RPF2: variants seen among roughly 807,000 people sequenced by gnomAD.
RPF2 encodes brix domain containing 1.
Under a neutral mutation model 38.9 loss-of-function variants are expected in RPF2, and 21 were observed. The observed-to-expected ratio is 0.54, with a 90% confidence interval of 0.38 to 0.78. The LOEUF is 0.78. Ranked by LOEUF, RPF2 falls within the 30% of genes least tolerant of loss-of-function variation. RPF2 has a pLI of 0.00. For missense variants in RPF2, 314 were observed against 358.1 expected, an observed-to-expected ratio of 0.88 and a Z score of 0.99; for synonymous variants, 121 against 126.2, an observed-to-expected ratio of 0.96 and a Z score of 0.28.
In RPF2 at chr6:111,015,919, G is replaced by GT. The variant is rs1772100960; in HGVS notation, c.596+69dup. 20 of 1,225,066 alleles carry GT rather than the reference G, an allele frequency of 1.6e-5. No homozygotes were observed. The South Asian group carries it at 2.5e-4, about 15-fold the overall frequency. 75.9% of individuals were successfully genotyped at this position (1,225,066 alleles called of 1,614,324 possible). On this transcript the variant is annotated intron_variant, in intron 8 of 9. Coordinates refer to ENST00000441448, the MANE Select transcript of RPF2 (RefSeq NM_032194.3). ...GGTTAGTGTTTAAAACTGTGTGACT[G>GT]TTTTTTAGAGCCCAAACTTAGAATT...
chr6:111,023,926 T>C (rs1461974015), intron 8 of RPF2, among the ~76,000 whole-genome samples: 2 of 151,562 alleles, frequency 1.3e-5, no homozygotes, highest in Admixed American at 6.6e-5. Context: ...AGGTGGAGCT[T>C]ACAGTGAGCC....
intron 1 of RPF2, among the ~76,000 whole-genome samples, chr6:110,983,551 C>T (rs1243079967): frequency 6.6e-6 from 1 of 151,968 alleles, no homozygotes; most frequent in Non-Finnish European, 1.5e-5. Flanking sequence ...GCATTGTTGC[C>T]CAGGCTGGTC....
Position 111,027,373 on chromosome 6 carries a change from GAGA to G in RPF2, c.*1797_*1799del, listed in dbSNP as rs1462606316. 5 of 152,208 alleles carry G rather than the reference GAGA, an allele frequency of 3.3e-5. No individual in the cohort carries two copies. Among genetic ancestry groups the G allele is most frequent in the Admixed American group, 6.5e-5 (1 of 15,274 alleles). The allele number at this position is 152,208 out of a possible 1,614,324, so 9.4% of individuals were successfully genotyped here. The stretch of plus-strand genomic sequence containing the variant: ...AGACATTTGCACTTTATATCTAAAT[GAGA>G]AGAAGGGGCTCAGATAAGTCGTTTG... On this transcript the variant is annotated 3_prime_UTR_variant, in exon 10 of 10. Coordinates refer to ENST00000441448, the MANE Select transcript of RPF2 (RefSeq NM_032194.3).
chr6:111,015,802 A>C lies in RPF2; in HGVS notation c.542A>C (p.Glu181Ala). 4 of 1,613,496 alleles carry C rather than the reference A, an allele frequency of 2.5e-6. No homozygotes were observed. The highest frequency in any genetic ancestry group is 3.4e-6 in the Non-Finnish European group (4 of 1,179,478). ...TVSNIRLAGLEYVLHFTALNG... is the reference protein window; with the variant it reads ...TVSNIRLAGLAYVLHFTALNG... ...TCAAATATCCGCCTGGCTGGATTAG[A>C]GTATGTTCTGCACTTCACTGCACTG... is the stretch of plus-strand genomic sequence containing the variant. The change falls in exon 8 of 10, where the codon GAG (glutamate) becomes GCG (alanine). Residue 181 changes from glutamate to alanine, a missense_variant. Coordinates refer to ENST00000441448, the MANE Select transcript of RPF2 (RefSeq NM_032194.3).
At chr6:110,999,353 TC>T (rs2114313333) in intron 5 of RPF2, among the ~76,000 whole-genome samples, 1 of 152,266 alleles carries the variant, frequency 6.6e-6, no homozygotes, top group South Asian at 2.1e-4. Flanking sequence ...CATAAATTAA[TC>T]CTTCTCTAAT....
At chr6:110,988,094 T>C (rs1771554694) in intron 2 of RPF2, among the ~76,000 whole-genome samples, 1 of 152,106 alleles carries the variant, frequency 6.6e-6, no homozygotes, top group South Asian at 2.1e-4. Flanking sequence ...GTGTCTGTAC[T>C]TGGGAGGCTG....
rs1411456438 is a variant in RPF2 at position 111,017,898 on chromosome 6, G to A, written c.596+2042G>A. ...GGAGGTTGTAGCTAGCCGAGATCACGCCACTGCACTCCAGCCTGGGCAACA... is the reference window on the plus strand; with the variant it reads ...GGAGGTTGTAGCTAGCCGAGATCACACCACTGCACTCCAGCCTGGGCAACA... On this transcript the variant is annotated intron_variant, in intron 8 of 9. Transcript: ENST00000441448. Among the ~76,000 whole-genome samples the A allele has an allele frequency of 5.5e-5, 8 of 145,690 alleles. No individual in the cohort carries two copies. The East Asian group carries it at 8.6e-4, about 16-fold the overall frequency.
chr6:110,997,299 T>C (rs1187023979), intron 5 of RPF2, 35 bp downstream of exon 5: 3 of 1,268,850 alleles, frequency 2.4e-6, no homozygotes, highest in Admixed American at 1.8e-5. Context: ...TTTTCACTGA[T>C]AGAGTCAATT....
At chr6:111,002,639 T>G (rs1771829489) in intron 6 of RPF2, among the ~76,000 whole-genome samples, 1 of 152,220 alleles carries the variant, frequency 6.6e-6, no homozygotes, top group Non-Finnish European at 1.5e-5. Flanking sequence ...AGCCCAGGTC[T>G]CATTCTTAAC....
intron 9 of RPF2, 47 bp downstream of exon 9, chr6:111,024,374 T>G (rs758461977): frequency 6.5e-7 from 1 of 1,527,884 alleles, no homozygotes; most frequent in South Asian, 1.2e-5. Context: ...ATTTTCTACT[T>G]TAATCCTTTT....
chr6:110,992,837 G>C (rs1280114009), intron 4 of RPF2, among the ~76,000 whole-genome samples: 1 of 152,154 alleles, frequency 6.6e-6, no homozygotes, highest in Non-Finnish European at 1.5e-5. Context: ...AGCACTTTGG[G>C]AGGCCAAGGC....
At chr6:111,011,284 C>G (rs1357232088) in intron 7 of RPF2, among the ~76,000 whole-genome samples, 3 of 138,846 alleles carry the variant, frequency 2.2e-5, no homozygotes, top group African/African-American at 8.0e-5. Context: ...ATTTTTCTTT[C>G]TTTCTTTCTT....
intron 8 of RPF2, among the ~76,000 whole-genome samples, chr6:111,017,439 G>T (rs989859571): frequency 6.7e-6 from 1 of 149,894 alleles, no homozygotes; most frequent in African/African-American, 2.5e-5. Flanking sequence ...GGATGGGGGG[G>T]CTCCTCACTT....
chr6:110,983,139 G>A (rs1415935872), intron 1 of RPF2, among the ~76,000 whole-genome samples: 1 of 152,132 alleles, frequency 6.6e-6, no homozygotes, highest in Admixed American at 6.6e-5. Flanking sequence ...TATTTGGGAG[G>A]AAGAATTCTT....
At chr6:111,003,018 T>C (rs1054072846) in intron 6 of RPF2, among the ~76,000 whole-genome samples, 1 of 151,880 alleles carries the variant, frequency 6.6e-6, no homozygotes, top group Non-Finnish European at 1.5e-5. Context: ...CGCCTCAGCC[T>C]CCCAGAGTGC....
At chr6:111,024,361 T>G in intron 9 of RPF2, 34 bp downstream of exon 9, 1 of 1,559,446 alleles carries the variant, frequency 6.4e-7, no homozygotes, top group Non-Finnish European at 8.7e-7. Flanking sequence ...CACATTTATT[T>G]GTATTTTCTA....
intron 3 of RPF2, among the ~76,000 whole-genome samples, chr6:110,991,398 C>CT (rs35689923): frequency 0.11 from 14,594 of 135,348 alleles, 822 homozygotes; most frequent in Middle Eastern, 0.16. Flanking sequence ...GCGCCCCCTG[C>CT]TTTTTTTTTT....
chr6:111,003,830 C>A (rs1286684775), intron 6 of RPF2, among the ~76,000 whole-genome samples: 1 of 152,072 alleles, frequency 6.6e-6, no homozygotes, highest in East Asian at 1.9e-4. Context: ...GTCTCCCCCA[C>A]CGACGGAGTT....
At chr6:111,002,326 T>G (rs1771823765) in intron 6 of RPF2, among the ~76,000 whole-genome samples, 1 of 152,110 alleles carries the variant, frequency 6.6e-6, no homozygotes, top group South Asian at 2.1e-4. Flanking sequence ...ACCATTATTG[T>G]TTGTCAGGTC....
Sources: allele counts gnomAD v4.1 joint callset (sites outside exome capture counted in the v4.1 genomes callset), GRCh38; gene constraint gnomAD v4.1.1; transcripts MANE v1.5; gene names NCBI Gene and HGNC (gene_info 2026-07-23, HGNC 2026-07-21).